Variants in FLACC1 observed in about 807,000 individuals in gnomAD.
The protein encoded by FLACC1 is flagellum associated containing coiled-coil domains 1.
A neutral mutation model predicts 62.8 loss-of-function variants in FLACC1; 66 were observed. The observed-to-expected ratio is 1.05, with a 90% CI of 0.86 to 1.29. The LOEUF is 1.29. Ranked by LOEUF, FLACC1 falls within the 50% of genes most tolerant of loss-of-function variation. The probability of loss-of-function intolerance (pLI) is 0.00; values close to 1 mark genes in which losing one functional copy is unlikely to be tolerated. For synonymous variants in FLACC1, 156 were observed against 161.0 expected (o/e 0.97, Z 0.24); for missense variants, 452 against 489.1 (o/e 0.92, Z 0.71).
intron 9 of FLACC1, 131 bp downstream of exon 9, chr2:201,330,339 G>A (rs919269485): frequency 1.4e-5 from 12 of 843,582 alleles, no homozygotes; most frequent in Non-Finnish European, 2.1e-5. Context: ...TGCAGCTAGT[G>A]CCACTTAGGT....
chr2:201,297,832 G>C (rs1949896838), intron 12 of FLACC1, among the ~76,000 whole-genome samples: 1 of 152,208 alleles, frequency 6.6e-6, no homozygotes, highest in South Asian at 2.1e-4. Flanking sequence ...AGAAAAGCAA[G>C]TGTTGGGCAG....
intron 9 of FLACC1, among the ~76,000 whole-genome samples, chr2:201,328,436 TA>T (rs1433338637): frequency 4.6e-5 from 7 of 152,066 alleles, no homozygotes; most frequent in African/African-American, 1.4e-4. Flanking sequence ...TATTTATATA[TA>T]TTTTTTGAGA....
At chr2:201,312,844 G>A (rs1220854584) in intron 9 of FLACC1, among the ~76,000 whole-genome samples, 1 of 152,146 alleles carries the variant, frequency 6.6e-6, no homozygotes, top group Non-Finnish European at 1.5e-5. Context: ...TGAAGGAAGT[G>A]GATTGCTCCC....
chr2:201,307,487 T>C (rs757720171), intron 11 of FLACC1, 32 bp downstream of exon 11: 50 of 1,556,170 alleles, frequency 3.2e-5, no homozygotes, highest in Non-Finnish European at 4.3e-5. Context: ...GGACTACCCA[T>C]TCAATCACCA....
chr2:201,320,567 C>A (rs1008580443), intron 9 of FLACC1, among the ~76,000 whole-genome samples: 3 of 152,222 alleles, frequency 2.0e-5, no homozygotes, highest in Non-Finnish European at 4.4e-5. Flanking sequence ...TGCTTCTCCT[C>A]ACTCTGCACA....
chr2:201,346,933 A>T lies in FLACC1; in HGVS notation c.235-258T>A, dbSNP rs1311364282. Among the ~76,000 whole-genome samples the T allele has an allele frequency of 7.2e-5, 11 of 151,988 alleles. No homozygotes were observed. In the East Asian group the frequency reaches 1.9e-3, roughly 27 times the overall value. ...CAAGCCACTGATGCCCCTGCCCCCG[A>T]CTTGTGTTCACCCTCGTGGCCAGAG... is the stretch of plus-strand genomic sequence containing the variant. On this transcript the variant is annotated intron_variant, in intron 4 of 14. Coordinates refer to ENST00000392257, the MANE Select transcript of FLACC1 (RefSeq NM_001127391.3). The surrounding 1 kb of genome is among the most constrained non-coding windows in gnomAD (Gnocchi z 4.0).
intron 2 of FLACC1, 51 bp from the exon 3 acceptor site, chr2:201,350,833 C>T (rs1426859262): frequency 2.7e-6 from 4 of 1,496,918 alleles, no homozygotes; most frequent in Non-Finnish European, 3.7e-6. Context: ...AATTCGGAAA[C>T]CCTTTTTAAC....
At chr2:201,358,131 A>G (rs927265551), upstream of FLACC1, among the ~76,000 whole-genome samples, 9 of 152,188 alleles carry the variant, frequency 5.9e-5, no homozygotes, top group Non-Finnish European at 1.3e-4. Flanking sequence ...GCCAGGCACT[A>G]TTGCTAGGTG....
At chr2:201,359,984 G>T (rs541766039), upstream of FLACC1, among the ~76,000 whole-genome samples, 28 of 151,750 alleles carry the variant, frequency 1.8e-4, no homozygotes, top group African/African-American at 6.3e-4. Context: ...GTGAAGCATG[G>T]CTAAAAACAG....
chr2:201,356,768 T>G (rs1217041755), intron 1 of FLACC1, among the ~76,000 whole-genome samples: 1 of 152,156 alleles, frequency 6.6e-6, no homozygotes, highest in Non-Finnish European at 1.5e-5. Context: ...TGGCTTGACA[T>G]CATATAGCTC....
At chr2:201,348,103 C>T (rs1950953847) in intron 4 of FLACC1, 151 bp downstream of exon 4, 7 of 675,504 alleles carry the variant, frequency 1.0e-5, no homozygotes, top group Non-Finnish European at 1.6e-5. Flanking sequence ...CACTTACCTG[C>T]CGTGCATAAT....
intron 1 of FLACC1, among the ~76,000 whole-genome samples, chr2:201,352,888 T>G (rs547019710): frequency 6.6e-6 from 1 of 151,800 alleles, no homozygotes; most frequent in Non-Finnish European, 1.5e-5. Flanking sequence ...GAAGTAGGAG[T>G]GATTGAGGAA....
rs1293575821 is a variant in FLACC1 at position 201,351,421 on chromosome 2, G to A, written c.-17C>T. On this transcript the variant is annotated 5_prime_UTR_variant, in exon 2 of 15. Transcript: ENST00000392257. The stretch of plus-strand genomic sequence containing the variant: ...GGGGTACATGGCCAAAGGTCAGGGG[G>A]AGTCTTGGCTGCTAGATCAGGAGGC... 2 of 1,578,788 alleles carry A rather than the reference G, an allele frequency of 1.3e-6. No individual in the cohort carries two copies. Among genetic ancestry groups the A allele is most frequent in the Non-Finnish European group, 1.7e-6 (2 of 1,148,786 alleles).
chr2:201,324,579 CA>C (rs1172249572), intron 9 of FLACC1, among the ~76,000 whole-genome samples: 1 of 152,168 alleles, frequency 6.6e-6, no homozygotes, highest in East Asian at 1.9e-4. Flanking sequence ...GTACATAGAA[CA>C]GTCTCTAAGA....
the FLACC1 span, among the ~76,000 whole-genome samples, chr2:201,362,534 A>AT: frequency 6.6e-6 from 1 of 152,162 alleles, no homozygotes; most frequent in African/African-American, 2.4e-5. Flanking sequence ...CATGCAGCTG[A>AT]TAAAAATGAG....
At chr2:201,350,096 A>G (rs999148234) in intron 3 of FLACC1, among the ~76,000 whole-genome samples, 1 of 152,210 alleles carries the variant, frequency 6.6e-6, no homozygotes, top group African/African-American at 2.4e-5. Flanking sequence ...GGACATAAAA[A>G]TACTTAGGGC....
chr2:201,364,113 C>T, the FLACC1 span, among the ~76,000 whole-genome samples: 1 of 152,178 alleles, frequency 6.6e-6, no homozygotes, highest in Admixed American at 6.5e-5. Flanking sequence ...CCATAGCAGG[C>T]TCTTACCTAT....
intron 14 of FLACC1, among the ~76,000 whole-genome samples, chr2:201,289,113 G>A (rs1276798519): frequency 1.1e-4 from 16 of 152,096 alleles, no homozygotes; most frequent in Admixed American, 9.8e-4. Context: ...GCAGCTGCAT[G>A]TAATGGCAAG....
At chr2:201,327,648 A>G (rs75325449) in intron 9 of FLACC1, among the ~76,000 whole-genome samples, 14,938 of 152,278 alleles carry the variant, frequency 0.098, 820 homozygotes, top group Non-Finnish European at 0.13. Context: ...ATTATTAAAA[A>G]GTAAAAAAAC....
Sources: gnomAD v4.1 joint callset for allele counts (sites outside exome capture counted in the v4.1 genomes callset) on GRCh38, gnomAD v4.1.1 for gene constraint, Gnocchi (gnomAD v3.1) non-coding constraint, MANE v1.5 for transcripts, NCBI Gene and HGNC (gene_info 2026-07-23, HGNC 2026-07-21) for gene names.